SPON1: variants seen among roughly 807,000 people sequenced by gnomAD.
SPON1 encodes spondin 1, also known as spondin-1.
SPON1 carries 52 observed loss-of-function variants against 111.7 expected under a neutral mutation model. That is an observed-to-expected ratio of 0.47 (90% CI 0.37 to 0.59). The LOEUF is 0.59. SPON1 is among the 20% of genes least tolerant of loss of function. SPON1 has a pLI of 0.00. For missense variants in SPON1, 957 were observed against 1,068.5 expected (o/e 0.90, Z 1.46); for synonymous variants, 410 against 395.8 (o/e 1.04, Z -0.43).
intron 3 of SPON1, among the ~76,000 whole-genome samples, chr11:14,070,516 TAAC>T (rs1848867061): frequency 1.3e-5 from 2 of 152,274 alleles, no homozygotes; most frequent in Middle Eastern, 3.4e-3. Flanking sequence ...GCTGGTGACT[TAAC>T]AGCAGCAATG....
intron 2 of SPON1, among the ~76,000 whole-genome samples, chr11:14,035,066 A>G (rs1208387415): frequency 9.9e-5 from 15 of 152,208 alleles, no homozygotes; most frequent in African/African-American, 3.6e-4. Context: ...TGTTAAGAAA[A>G]TATGAAGCAA....
chr11:14,049,240 C>T (rs1848690947), intron 3 of SPON1, among the ~76,000 whole-genome samples: 1 of 152,286 alleles, frequency 6.6e-6, no homozygotes, highest in African/African-American at 2.4e-5. Context: ...TCTTCTCTCC[C>T]TCCAACATCA....
intron 6 of SPON1, among the ~76,000 whole-genome samples, chr11:14,164,397 A>T (rs1319263278): frequency 6.6e-6 from 1 of 152,192 alleles, no homozygotes; most frequent in Non-Finnish European, 1.5e-5. Context: ...CATAGTTATG[A>T]AACTAAGTTC....
At chr11:14,102,262 G>A (rs190386977) in intron 5 of SPON1, among the ~76,000 whole-genome samples, 17 of 151,986 alleles carry the variant, frequency 1.1e-4, no homozygotes, top group African/African-American at 2.2e-4. Flanking sequence ...TATGAGCCAC[G>A]TATGTAATTT....
At chr11:14,075,322 G>C (rs1240171454) in intron 3 of SPON1, 23 bp from the exon 4 acceptor site, 1 of 1,548,872 alleles carries the variant, frequency 6.5e-7, no homozygotes, top group South Asian at 1.2e-5. Flanking sequence ...TCACCACTGT[G>C]CTTGGGTCTT....
At chr11:14,143,979 A>C (rs1418575465) in intron 6 of SPON1, among the ~76,000 whole-genome samples, 2 of 152,170 alleles carry the variant, frequency 1.3e-5, no homozygotes, top group African/African-American at 2.4e-5. Flanking sequence ...TTACTTAAGA[A>C]CCATGAAAAC....
chr11:14,107,593 A>G lies in SPON1; in HGVS notation c.676+27572A>G, dbSNP rs75035178. ...ATTCTGAAGGCAAGATCCTCAGGAA[A>G]AAAAAAAAAAAAAAAAAATGAAAGA... On this transcript the variant is annotated intron_variant, in intron 5 of 15. Coordinates refer to ENST00000576479, the MANE Select transcript of SPON1 (RefSeq NM_006108.4). 3.0e-4 allele frequency among the ~76,000 whole-genome samples: 7 copies of G among 23,078 alleles called. No individual in the cohort carries two copies. In the East Asian group the frequency reaches 0.019, roughly 62 times the overall value. The allele number at this position is 23,078 out of a possible 152,430, so 15.1% of individuals were successfully genotyped here.
chr11:14,128,528 C>T (rs1481270144), intron 5 of SPON1, among the ~76,000 whole-genome samples: 3 of 152,212 alleles, frequency 2.0e-5, no homozygotes, highest in South Asian at 4.1e-4. Flanking sequence ...ACAGCCCCCG[C>T]GGATGCTTTC....
At chr11:14,170,619 A>G (rs1307665046) in intron 6 of SPON1, among the ~76,000 whole-genome samples, 1 of 151,700 alleles carries the variant, frequency 6.6e-6, no homozygotes, top group Non-Finnish European at 1.5e-5. Flanking sequence ...TCAGTATGAT[A>G]TTGGCTGTGG....
chr11:14,263,285 C>A (rs1849211594), intron 15 of SPON1, among the ~76,000 whole-genome samples: 1 of 152,096 alleles, frequency 6.6e-6, no homozygotes, highest in African/African-American at 2.4e-5. Flanking sequence ...TCTTTACACA[C>A]ATATAAAACC....
intron 10 of SPON1, 46 bp downstream of exon 10, chr11:14,256,738 A>G (rs1334590428): frequency 7.4e-6 from 11 of 1,487,804 alleles, no homozygotes; most frequent in African/African-American, 5.6e-5. Flanking sequence ...AATTGACATA[A>G]CCCTTTGAGA....
At chr11:14,194,281 C>T (rs2133893423) in intron 6 of SPON1, among the ~76,000 whole-genome samples, 1 of 152,290 alleles carries the variant, frequency 6.6e-6, no homozygotes, top group South Asian at 2.1e-4. Flanking sequence ...TCCTCTGAGT[C>T]CTTACACAGC....
At chr11:14,022,293 C>T (rs908943330) in intron 2 of SPON1, among the ~76,000 whole-genome samples, 4 of 152,210 alleles carry the variant, frequency 2.6e-5, no homozygotes, top group Non-Finnish European at 5.9e-5. Context: ...TCTTTAAGAG[C>T]AGCCTGTTGT....
intron 6 of SPON1, among the ~76,000 whole-genome samples, chr11:14,155,979 T>C (rs1311081781): frequency 7.6e-6 from 1 of 130,798 alleles, no homozygotes; most frequent in African/African-American, 2.7e-5. Context: ...TGTGTCTTTA[T>C]AGCAGCATGA....
At chr11:13,969,767 C>T (rs138348642) in intron 1 of SPON1, among the ~76,000 whole-genome samples, 20 of 152,248 alleles carry the variant, frequency 1.3e-4, no homozygotes, top group Non-Finnish European at 2.4e-4. Context: ...ATCTAAACAC[C>T]CTACCCCCAA....
chr11:14,188,773 G>C (rs922691238), intron 6 of SPON1, among the ~76,000 whole-genome samples: 1 of 152,190 alleles, frequency 6.6e-6, no homozygotes, highest in Non-Finnish European at 1.5e-5. Context: ...CTCTGAGCCT[G>C]TCTTCTCATC....
intron 7 of SPON1, among the ~76,000 whole-genome samples, chr11:14,246,791 A>G (rs1489753189): frequency 6.6e-6 from 1 of 152,232 alleles, no homozygotes; most frequent in Non-Finnish European, 1.5e-5. Flanking sequence ...GATCACACAA[A>G]TAAATGTGAC....
At chr11:14,192,779 A>C (rs1275162472) in intron 6 of SPON1, among the ~76,000 whole-genome samples, 3 of 145,544 alleles carry the variant, frequency 2.1e-5, no homozygotes, top group Non-Finnish European at 3.0e-5. Flanking sequence ...GTGGGACAGG[A>C]AGTTGTGCCC....
chr11:14,161,549 C>G (rs1247026307), intron 6 of SPON1, among the ~76,000 whole-genome samples: 1 of 151,406 alleles, frequency 6.6e-6, no homozygotes, highest in Non-Finnish European at 1.5e-5. Context: ...AAACTCCTGA[C>G]CTCAGGTGAT....
Sources: allele counts gnomAD v4.1 joint callset (sites outside exome capture counted in the v4.1 genomes callset), GRCh38; gene constraint gnomAD v4.1.1; transcripts MANE v1.5; gene names NCBI Gene and HGNC (gene_info 2026-07-23, HGNC 2026-07-21).